The following UNC13C variants were observed in gnomAD, a reference collection of about 807,000 sequenced individuals.
UNC13C encodes the protein unc-13 homolog C.
UNC13C carries 174 observed loss-of-function variants against 245.4 expected under a neutral mutation model. The observed-to-expected ratio is 0.71, with a 90% CI of 0.63 to 0.80. The LOEUF (loss-of-function observed/expected upper bound fraction) is 0.80. Ranked by LOEUF, UNC13C falls within the 30% of genes least tolerant of loss-of-function variation. The probability of loss-of-function intolerance (pLI) is 0.00; values close to 1 mark genes in which losing one functional copy is unlikely to be tolerated. For missense variants in UNC13C, 2,829 were observed against 2,602.9 expected (o/e 1.09, Z -1.89); for synonymous variants, 992 against 895.1 (o/e 1.11, Z -1.93).
the UNC13C span, among the ~76,000 whole-genome samples, chr15:53,873,686 A>G: frequency 9.8e-5 from 1 of 10,194 alleles, no homozygotes; most frequent in South Asian, 4.2e-3. Context: ...AGGTCAGGGT[A>G]CTGAGCAACA....
chr15:54,393,025 A>T (rs1310507420), intron 17 of UNC13C, 23 bp from the exon 18 acceptor site: 2 of 1,553,496 alleles, frequency 1.3e-6, no homozygotes, highest in African/African-American at 2.8e-5. Context: ...TTTCTTTTGC[A>T]TGTTGCGTGA....
chr15:54,367,458 A>C (rs1418410857), intron 17 of UNC13C, among the ~76,000 whole-genome samples: 1 of 152,082 alleles, frequency 6.6e-6, no homozygotes, highest in Non-Finnish European at 1.5e-5. Context: ...ATTTTTTGCA[A>C]GTCTTAGCTT....
At chr15:54,430,338 C>T (rs2040846951) in intron 19 of UNC13C, among the ~76,000 whole-genome samples, 1 of 151,628 alleles carries the variant, frequency 6.6e-6, no homozygotes, top group Admixed American at 6.6e-5. Flanking sequence ...CAACTGATAT[C>T]AGCTATTAAA....
chr15:54,523,255 C>A (rs943250166), intron 24 of UNC13C, among the ~76,000 whole-genome samples: 6 of 152,098 alleles, frequency 3.9e-5, no homozygotes, highest in African/African-American at 1.2e-4. Flanking sequence ...ATAATTATGT[C>A]CATTATGCTC....
At chr15:54,090,278 A>T (rs936144736) in intron 2 of UNC13C, among the ~76,000 whole-genome samples, 31 of 148,000 alleles carry the variant, frequency 2.1e-4, no homozygotes, top group African/African-American at 6.7e-4. Flanking sequence ...ATCAGTTATG[A>T]CTCTGTTGTT....
chr15:54,541,971 G>A (rs1896266206), intron 26 of UNC13C, among the ~76,000 whole-genome samples: 2 of 152,018 alleles, frequency 1.3e-5, no homozygotes, highest in Non-Finnish European at 2.9e-5. Context: ...ACACATCGGG[G>A]TGAGGGTGAA....
chr15:54,501,599 A>T (rs1187150783), intron 22 of UNC13C, among the ~76,000 whole-genome samples: 1 of 152,158 alleles, frequency 6.6e-6, no homozygotes, highest in Admixed American at 6.6e-5. Flanking sequence ...TGTCTATCAA[A>T]TCTCAGAAAA....
intron 19 of UNC13C, among the ~76,000 whole-genome samples, chr15:54,466,457 T>C (rs1172877906): frequency 6.6e-6 from 1 of 151,880 alleles, no homozygotes; most frequent in Non-Finnish European, 1.5e-5. Flanking sequence ...CTACAGCTAT[T>C]AGACATCAAT....
intron 2 of UNC13C, among the ~76,000 whole-genome samples, chr15:54,076,456 G>T (rs530661810): frequency 2.0e-5 from 3 of 152,000 alleles, no homozygotes; most frequent in African/African-American, 7.2e-5. Flanking sequence ...TTTTATGGCT[G>T]CATAGTATTC....
chr15:54,565,772 AT>A (rs2141213397), intron 29 of UNC13C, among the ~76,000 whole-genome samples: 1 of 152,142 alleles, frequency 6.6e-6, no homozygotes, highest in Admixed American at 6.6e-5. Flanking sequence ...TACTATTATT[AT>A]TAATTTTCTA....
the UNC13C span, among the ~76,000 whole-genome samples, chr15:53,971,377 G>A: frequency 6.6e-6 from 1 of 152,218 alleles, no homozygotes; most frequent in Admixed American, 6.5e-5. Flanking sequence ...AGAGCTTCAA[G>A]ACTTTCTCAG....
chr15:54,049,561 CCTT>C (rs1897186159), intron 2 of UNC13C: 2 of 269,732 alleles, frequency 7.4e-6, no homozygotes, highest in Non-Finnish European at 1.5e-5. Context: ...CCTGTATGGT[CCTT>C]CTTTTAGTTA....
chr15:54,317,724 G>C (rs886113936), intron 13 of UNC13C, among the ~76,000 whole-genome samples: 2 of 151,866 alleles, frequency 1.3e-5, no homozygotes, highest in African/African-American at 4.8e-5. Context: ...ATCTCACATA[G>C]TTATCATTTT....
intron 4 of UNC13C, among the ~76,000 whole-genome samples, chr15:54,213,203 A>T (rs8034450): frequency 0.22 from 32,806 of 151,976 alleles, 3,719 homozygotes; most frequent in Middle Eastern, 0.3. Context: ...TTGAAGCATT[A>T]GGTTATACCC....
chr15:54,002,095 G>C (rs890278196), intron 1 of UNC13C, among the ~76,000 whole-genome samples: 5 of 152,186 alleles, frequency 3.3e-5, no homozygotes, highest in African/African-American at 1.2e-4. Flanking sequence ...GACCATCCTG[G>C]CTAACACGGT....
chr15:54,545,696 C>T (rs1896453347), intron 26 of UNC13C, among the ~76,000 whole-genome samples: 1 of 152,020 alleles, frequency 6.6e-6, no homozygotes, highest in Non-Finnish European at 1.5e-5. Flanking sequence ...GGCTAACAAA[C>T]ATGAAAAAAA....
chr15:53,886,307 C>T, the UNC13C span, among the ~76,000 whole-genome samples: 1 of 151,966 alleles, frequency 6.6e-6, no homozygotes, highest in Admixed American at 6.6e-5. Flanking sequence ...TTTGTAGTTC[C>T]AGAGAGTTAT....
downstream of UNC13C, chr15:54,632,340 C>T (rs569705012): frequency 6.6e-6 from 1 of 152,102 alleles, no homozygotes; most frequent in Non-Finnish European, 1.5e-5. Context: ...TCCATCAAGT[C>T]GAATTTGATG....
intron 4 of UNC13C, among the ~76,000 whole-genome samples, chr15:54,217,197 T>A (rs1308805819): frequency 6.6e-6 from 1 of 151,752 alleles, no homozygotes. Flanking sequence ...ATATTAGGGT[T>A]CATAGAAAAA....
Sources: gnomAD v4.1 joint callset for allele counts (sites outside exome capture counted in the v4.1 genomes callset) on GRCh38, gnomAD v4.1.1 for gene constraint, MANE v1.5 for transcripts, NCBI Gene and HGNC (gene_info 2026-07-23, HGNC 2026-07-21) for gene names.